GAN: variants seen among roughly 807,000 people sequenced by gnomAD.
The protein encoded by GAN is gigaxonin.
GAN carries 48 observed loss-of-function variants against 71.3 expected under a neutral mutation model. The ratio of observed to expected loss-of-function variants is 0.67; its 90% CI spans 0.53 to 0.86. GAN has a LOEUF of 0.86. Ranked by LOEUF, GAN falls within the 40% of genes least tolerant of loss-of-function variation. The pLI, the probability that GAN is intolerant of heterozygous loss-of-function variation, is 0.00. For missense variants in GAN, 928 were observed against 770.1 expected, an observed-to-expected ratio of 1.21 and a Z score of -2.43; for synonymous variants, 386 against 276.8, an observed-to-expected ratio of 1.39 and a Z score of -3.92.
chr16:81,335,746 C>CAAAA (rs55948723), intron 1 of GAN, among the ~76,000 whole-genome samples: 41 of 103,320 alleles, frequency 4.0e-4, no homozygotes, highest in African/African-American at 1.1e-3. Flanking sequence ...GACTCAGTCT[C>CAAAA]AAAAAAAAAA....
chr16:81,369,963 C>G (rs13331648), intron 9 of GAN, among the ~76,000 whole-genome samples: 459 of 152,314 alleles, frequency 3.0e-3, no homozygotes, highest in African/African-American at 0.01. Context: ...ACGTAATATC[C>G]TCACACAAAT....
intron 3 of GAN, 79 bp downstream of exon 3, chr16:81,354,834 C>A: frequency 1.2e-6 from 1 of 828,272 alleles, no homozygotes; most frequent in Non-Finnish European, 2.0e-6. Flanking sequence ...TATTTTTCTT[C>A]TTCATCATGA....
At chr16:81,342,897 G>A (rs577859421) in intron 1 of GAN, among the ~76,000 whole-genome samples, 2 of 152,116 alleles carry the variant, frequency 1.3e-5, no homozygotes, top group Non-Finnish European at 2.9e-5. Context: ...TAATAAAGAA[G>A]AAAAGAGAGA....
intron 1 of GAN, among the ~76,000 whole-genome samples, chr16:81,345,386 C>T (rs777147497): frequency 1.3e-5 from 2 of 152,106 alleles, no homozygotes; most frequent in East Asian, 1.9e-4. Context: ...GAAAATGTGG[C>T]ACATACACAC....
At chr16:81,344,381 G>A (rs139278863) in intron 1 of GAN, among the ~76,000 whole-genome samples, 49,584 of 151,806 alleles carry the variant, frequency 0.33, 10,284 homozygotes, top group Non-Finnish European at 0.47. Flanking sequence ...CTACAAGGCT[G>A]CAGTAACCAA....
In GAN at chr16:81,387,766, G is replaced by T. The variant is rs1039990694; in HGVS notation, c.*10170G>T. ...AGGAGGCAGAGGTTGAAGTGAGCCA[G>T]GATTGTGCCACTGTACTCCAGCCTG... On this transcript the variant is annotated 3_prime_UTR_variant, in exon 11 of 11. Coordinates refer to ENST00000648994, the MANE Select transcript of GAN (RefSeq NM_022041.4). 5 of 151,928 alleles carry T rather than the reference G, an allele frequency of 3.3e-5. No homozygotes were observed. The highest frequency in any genetic ancestry group is 3.3e-4 in the Admixed American group (5 of 15,250). 9.4% of individuals were successfully genotyped at this position (151,928 alleles called of 1,614,324 possible).
intron 9 of GAN, among the ~76,000 whole-genome samples, chr16:81,366,311 G>A (rs1461553645): frequency 1.3e-5 from 2 of 152,272 alleles, no homozygotes; most frequent in Admixed American, 6.5e-5. Flanking sequence ...TGATTAAGTG[G>A]CTGAGGCTTG....
At position 81,355,610 on chromosome 16, in the gene GAN, A is replaced by G. The variant is rs549698582; in HGVS notation, c.633+855A>G. Among the ~76,000 whole-genome samples the G allele has an allele frequency of 2.0e-5, 3 of 152,078 alleles. No homozygotes were observed. The East Asian group carries it at 5.8e-4, about 29-fold the overall frequency. ...ACTCCTGTGCTCAAGCAATCCTCCC[A>G]CTCTAGCTTCCCAAAGTGCTGGGAT... On this transcript the variant is annotated intron_variant, in intron 3 of 10. Coordinates refer to ENST00000648994, the MANE Select transcript of GAN (RefSeq NM_022041.4).
chr16:81,332,973 C>G (rs1248651792), intron 1 of GAN, among the ~76,000 whole-genome samples: 1 of 152,102 alleles, frequency 6.6e-6, no homozygotes, highest in Non-Finnish European at 1.5e-5. Flanking sequence ...AGTGCAATGG[C>G]TCATGCCTGT....
At chr16:81,324,327 T>C (rs935682096) in intron 1 of GAN, among the ~76,000 whole-genome samples, 1 of 151,896 alleles carries the variant, frequency 6.6e-6, no homozygotes, top group African/African-American at 2.4e-5. Flanking sequence ...CATATGAGTT[T>C]GCCGAAGGAA....
In GAN at chr16:81,325,054, G is replaced by C. The variant is rs1307732229; in HGVS notation, c.167+9774G>C. 2.1e-5 allele frequency among the ~76,000 whole-genome samples: 3 copies of C among 142,268 alleles called. No homozygotes were observed. The East Asian group carries it at 6.1e-4, about 29-fold the overall frequency. 93.3% of individuals were successfully genotyped at this position (142,268 alleles called of 152,430 possible). A position where few individuals can be genotyped will look rare whatever the true frequency, so the allele number is the denominator to read the frequency against. On this transcript the variant is annotated intron_variant, in intron 1 of 10. Coordinates refer to ENST00000648994, the MANE Select transcript of GAN (RefSeq NM_022041.4). ...CAGGGATGGCTCCCAGGCAGGGATG[G>C]CTCCCAGGCACGGATGCTCCCAGGC...
intron 1 of GAN, among the ~76,000 whole-genome samples, chr16:81,339,121 G>A (rs1357515537): frequency 6.6e-6 from 1 of 152,166 alleles, no homozygotes; most frequent in East Asian, 1.9e-4. Flanking sequence ...GATAATTGAA[G>A]AAGCACCTAT....
chr16:81,372,640 C>T (rs938916591), intron 9 of GAN, among the ~76,000 whole-genome samples: 6 of 152,108 alleles, frequency 3.9e-5, no homozygotes, highest in Non-Finnish European at 1.5e-5. Flanking sequence ...GGGACAAAAC[C>T]TGGTAGATCA....
intron 1 of GAN, among the ~76,000 whole-genome samples, chr16:81,323,751 C>A (rs1419623701): frequency 6.6e-6 from 1 of 152,160 alleles, no homozygotes; most frequent in African/African-American, 2.4e-5. Flanking sequence ...AACGAACTGA[C>A]AAGGCCACTG....
intron 1 of GAN, among the ~76,000 whole-genome samples, chr16:81,328,700 C>A (rs1369363187): frequency 6.8e-6 from 1 of 146,832 alleles, no homozygotes; most frequent in African/African-American, 2.5e-5. Context: ...ATCACCATTC[C>A]TTCATCACTT....
In GAN at chr16:81,379,647, C is replaced by G. The variant is rs1371419289; in HGVS notation, c.*2051C>G. 3 of 152,286 alleles carry G rather than the reference C, an allele frequency of 2.0e-5. No homozygotes were observed. The highest frequency in any genetic ancestry group is 3.4e-3 in the Middle Eastern group (1 of 294). The allele number at this position is 152,286 out of a possible 1,614,324, so 9.4% of individuals were successfully genotyped here. A position where few individuals can be genotyped will look rare whatever the true frequency, so the allele number is the denominator to read the frequency against. On this transcript the variant is annotated 3_prime_UTR_variant, in exon 11 of 11. Transcript: ENST00000648994. The stretch of plus-strand genomic sequence containing the variant: ...TTAGAGGAAGGAAATAGCTGAAAAA[C>G]TAAATTTGCTTTGGTGAAATGTCCT...
intron 1 of GAN, among the ~76,000 whole-genome samples, chr16:81,317,420 A>G (rs1394873257): frequency 1.3e-5 from 2 of 152,256 alleles, no homozygotes; most frequent in African/African-American, 4.8e-5. Flanking sequence ...ACAAGGCTTC[A>G]GCTCACTAAT....
rs1467331583 is a variant in GAN at position 81,315,178 on chromosome 16, C to G, written c.65C>G (p.Ser22Cys). 3 of 1,571,724 alleles carry G rather than the reference C, an allele frequency of 1.9e-6. No homozygotes were observed. The highest frequency in any genetic ancestry group is 2.8e-5 in the African/African-American group (2 of 72,104). Residue 22 changes from serine to cysteine, a missense_variant, in exon 1 of 11, where the codon TCT becomes TGT. Ser to Cys is a moderately radical substitution (Grantham distance 112, BLOSUM62 -1). Coordinates refer to ENST00000648994, the MANE Select transcript of GAN (RefSeq NM_022041.4). ...HAARLLRALS[S>C]FREESRFCDA... ...GCGCGTCTGCTGCGAGCGCTCAGCT[C>G]TTTCCGCGAGGAGTCTCGCTTCTGC...
intron 6 of GAN, among the ~76,000 whole-genome samples, chr16:81,363,101 A>G (rs1325585347): frequency 6.6e-6 from 1 of 152,228 alleles, no homozygotes; most frequent in African/African-American, 2.4e-5. Context: ...TTCATTGACA[A>G]ACGGACATGA....
Sources: allele counts gnomAD v4.1 joint callset (sites outside exome capture counted in the v4.1 genomes callset), GRCh38; gene constraint gnomAD v4.1.1; transcripts MANE v1.5; gene names NCBI Gene and HGNC (gene_info 2026-07-23, HGNC 2026-07-21).